PTPRD: variants seen among roughly 807,000 people sequenced by gnomAD.
The protein encoded by PTPRD is protein tyrosine phosphatase receptor type D.
A neutral mutation model predicts 214.5 loss-of-function variants in PTPRD; 34 were observed. The ratio of observed to expected loss-of-function variants is 0.16; its 90% CI spans 0.12 to 0.21. The LOEUF (loss-of-function observed/expected upper bound fraction) is 0.21, where lower values mean the gene tolerates loss of function less well. Among genes scored for constraint, PTPRD ranks in the 10% least tolerant of loss-of-function variants. The pLI is 1.00. For synonymous variants in PTPRD, 1,128 were observed against 845.7 expected (o/e 1.33, Z -5.79); for missense variants, 2,545 against 2,398.7 (o/e 1.06, Z -1.27).
chr9:9,568,087 C>A (rs1456527652), intron 8 of PTPRD, among the ~76,000 whole-genome samples: 1 of 151,520 alleles, frequency 6.6e-6, no homozygotes, highest in Non-Finnish European at 1.5e-5. Flanking sequence ...AACATAGGTC[C>A]CTGATTATGT....
At chr9:8,691,420 T>C (rs1418815590) in intron 12 of PTPRD, among the ~76,000 whole-genome samples, 1 of 146,084 alleles carries the variant, frequency 6.8e-6, no homozygotes, top group South Asian at 2.1e-4. Flanking sequence ...AATAGAAGAG[T>C]GCTATTATCA....
At chr9:9,380,635 G>A (rs931993669) in intron 9 of PTPRD, among the ~76,000 whole-genome samples, 4 of 152,142 alleles carry the variant, frequency 2.6e-5, no homozygotes, top group Non-Finnish European at 4.4e-5. Flanking sequence ...TTCCATGTGA[G>A]TTTGAGAAGA....
chr9:9,493,333 T>C, intron 8 of PTPRD, among the ~76,000 whole-genome samples: 1 of 152,192 alleles, frequency 6.6e-6, no homozygotes, highest in East Asian at 1.9e-4. Flanking sequence ...AAAAGATTTC[T>C]TTCCAAATAT....
intron 4 of PTPRD, among the ~76,000 whole-genome samples, chr9:9,978,319 G>T (rs979285232): frequency 2.6e-5 from 4 of 152,030 alleles, no homozygotes; most frequent in African/African-American, 9.7e-5. Flanking sequence ...GGAGAACATA[G>T]ATTAAAAGAT....
At chr9:9,674,709 G>A (rs530633261) in intron 7 of PTPRD, among the ~76,000 whole-genome samples, 2 of 151,840 alleles carry the variant, frequency 1.3e-5, no homozygotes, top group African/African-American at 4.8e-5. Flanking sequence ...GATCGTTAGG[G>A]TAATAAAATG....
chr9:9,299,000 G>A (rs1388415058), intron 9 of PTPRD, among the ~76,000 whole-genome samples: 9 of 151,738 alleles, frequency 5.9e-5, no homozygotes, highest in Non-Finnish European at 1.3e-4. Context: ...AAGCTGCATG[G>A]CTTCTTTGCC....
intron 9 of PTPRD, among the ~76,000 whole-genome samples, chr9:9,185,121 G>T (rs1209548707): frequency 6.6e-6 from 1 of 152,124 alleles, no homozygotes; most frequent in Admixed American, 6.6e-5. Flanking sequence ...TGGTGATTTG[G>T]AATGTCCTTT....
In PTPRD at chr9:8,595,110, G is replaced by A. The variant is rs148831674; in HGVS notation, c.352+38207C>T. 8.6e-3 allele frequency among the ~76,000 whole-genome samples: 1,296 copies of A among 150,182 alleles called. 24 individuals are homozygous for A. Among genetic ancestry groups the A allele is most frequent in the African/African-American group, 0.03 (1,210 of 40,800 alleles). On this transcript the variant is annotated intron_variant, in intron 14 of 45. Coordinates refer to ENST00000381196, the MANE Select transcript of PTPRD (RefSeq NM_002839.4). ...GATCTCCTGACCTCATGATCTGCCC[G>A]CCTCGGCCTCCCAAAGTGCTGGGAT...
intron 11 of PTPRD, among the ~76,000 whole-genome samples, chr9:8,984,988 G>C (rs558279754): frequency 1.1e-4 from 16 of 152,138 alleles, no homozygotes; most frequent in Non-Finnish European, 1.9e-4. Context: ...AATCAAGTTG[G>C]AGGAAAATTT....
At chr9:9,868,357 C>T (rs189290392) in intron 5 of PTPRD, among the ~76,000 whole-genome samples, 4 of 152,078 alleles carry the variant, frequency 2.6e-5, no homozygotes, top group African/African-American at 7.2e-5. Flanking sequence ...AAATGCTTTT[C>T]TGGAATAAGA....
At chr9:10,031,647 T>TATATACACACAC in intron 4 of PTPRD, among the ~76,000 whole-genome samples, 2 of 89,692 alleles carry the variant, frequency 2.2e-5, no homozygotes, top group African/African-American at 1.6e-4. Flanking sequence ...TATATATATA[T>TATATACACACAC]ACACACACAC....
chr9:9,345,921 T>C (rs763642519), intron 9 of PTPRD, among the ~76,000 whole-genome samples: 2 of 152,308 alleles, frequency 1.3e-5, no homozygotes, highest in African/African-American at 2.4e-5. Flanking sequence ...AGTGGCTCTT[T>C]GATATTTCAA....
At chr9:10,151,921 C>G (rs891385398) in intron 3 of PTPRD, among the ~76,000 whole-genome samples, 3 of 152,124 alleles carry the variant, frequency 2.0e-5, no homozygotes, top group African/African-American at 7.2e-5. Context: ...TATGGATATA[C>G]CACAGTTTAT....
intron 8 of PTPRD, among the ~76,000 whole-genome samples, chr9:9,450,120 CTG>C (rs368924483): frequency 0.25 from 36,478 of 144,688 alleles, 4,862 homozygotes; most frequent in Middle Eastern, 0.39. Context: ...GTGTGTGTGT[CTG>C]TGTGTGTGTG....
intron 4 of PTPRD, among the ~76,000 whole-genome samples, chr9:9,996,187 T>C (rs2096116355): frequency 6.6e-6 from 1 of 152,192 alleles, no homozygotes; most frequent in Non-Finnish European, 1.5e-5. Flanking sequence ...CTGATATCCT[T>C]ATATTGGTCT....
At chr9:9,289,393 C>T (rs960053400) in intron 9 of PTPRD, among the ~76,000 whole-genome samples, 2 of 151,804 alleles carry the variant, frequency 1.3e-5, no homozygotes, top group Non-Finnish European at 2.9e-5. Flanking sequence ...TCAATGTGTA[C>T]AATGTGATTT....
chr9:8,320,487 T>C (rs184844555), intron 44 of PTPRD, among the ~76,000 whole-genome samples: 3 of 152,242 alleles, frequency 2.0e-5, no homozygotes, highest in African/African-American at 7.2e-5. Context: ...GGTTTTATTA[T>C]GAGAAAAGAG....
At chr9:9,353,327 C>A (rs1458434950) in intron 9 of PTPRD, among the ~76,000 whole-genome samples, 1 of 151,840 alleles carries the variant, frequency 6.6e-6, no homozygotes, top group Non-Finnish European at 1.5e-5. Context: ...TCATAGGTGA[C>A]TTTAGAGCAA....
rs2084190485 is a variant in PTPRD at position 8,557,345 on chromosome 9, TTATTGGAAGCAAAATGATACC to T, written c.353-28587_353-28567del. ...AGAACTCAATACATGTCATGCTCTG[TTATTGGAAGCAAAATGATACC>T]TATTCTAGTCCATTCCAATTTTGAA... On this transcript the variant is annotated intron_variant, in intron 14 of 45. Coordinates refer to ENST00000381196, the MANE Select transcript of PTPRD (RefSeq NM_002839.4). 2.0e-5 allele frequency among the ~76,000 whole-genome samples: 3 copies of T among 151,716 alleles called. No individual in the cohort carries two copies. In the South Asian group the frequency reaches 6.2e-4, roughly 31 times the overall value.
Sources: gnomAD v4.1 joint callset for allele counts (sites outside exome capture counted in the v4.1 genomes callset) on GRCh38, gnomAD v4.1.1 for gene constraint, MANE v1.5 for transcripts, NCBI Gene and HGNC (gene_info 2026-07-23, HGNC 2026-07-21) for gene names.